Variants in PPARGC1A observed in about 807,000 individuals in gnomAD.
The protein encoded by PPARGC1A is peroxisome proliferator-activated receptor gamma coactivator 1-alpha.
PPARGC1A carries 25 observed loss-of-function variants against 88.7 expected under a neutral mutation model. That is an observed-to-expected ratio of 0.28 (90% CI 0.21 to 0.39). The LOEUF is 0.39. Among genes scored for constraint, PPARGC1A ranks in the 10% least tolerant of loss-of-function variants. PPARGC1A has a pLI of 1.00. For synonymous variants in PPARGC1A, 363 were observed against 355.6 expected (o/e 1.02, Z -0.24); for missense variants, 880 against 968.7 (o/e 0.91, Z 1.22).
the PPARGC1A span, among the ~76,000 whole-genome samples, chr4:23,911,034 T>C: frequency 1.3e-5 from 2 of 151,770 alleles, no homozygotes; most frequent in South Asian, 2.1e-4. Context: ...TAAAGCAGCA[T>C]AGTTGAGTAA....
upstream of PPARGC1A, among the ~76,000 whole-genome samples, chr4:23,895,056 TACATA>T (rs1233654711): frequency 6.9e-6 from 1 of 145,832 alleles, no homozygotes; most frequent in Non-Finnish European, 1.5e-5. Flanking sequence ...AGAACTTCAA[TACATA>T]ACATAACATT....
chr4:23,948,968 C>A, the PPARGC1A span, among the ~76,000 whole-genome samples: 1 of 152,232 alleles, frequency 6.6e-6, no homozygotes, highest in African/African-American at 2.4e-5. Context: ...CTATGAGAAT[C>A]ATAACTGGAT....
chr4:23,847,937 A>G (rs989951507), intron 2 of PPARGC1A, among the ~76,000 whole-genome samples: 1 of 152,194 alleles, frequency 6.6e-6, no homozygotes, highest in African/African-American at 2.4e-5. Flanking sequence ...TGTATGCCAT[A>G]CATGAGAAAA....
intron 2 of PPARGC1A, among the ~76,000 whole-genome samples, chr4:23,862,243 T>G (rs1383558452): frequency 1.3e-5 from 2 of 152,216 alleles, no homozygotes; most frequent in Non-Finnish European, 2.9e-5. Flanking sequence ...CAAAGTCAGG[T>G]CAAGTCTCTG....
intron 2 of PPARGC1A, among the ~76,000 whole-genome samples, chr4:23,832,402 T>G (rs1725171309): frequency 6.6e-6 from 1 of 152,268 alleles, no homozygotes; most frequent in East Asian, 1.9e-4. Flanking sequence ...ACCCAAACTC[T>G]ATACCTTTCA....
At chr4:24,193,450 G>A in the PPARGC1A span, among the ~76,000 whole-genome samples, 4 of 152,264 alleles carry the variant, frequency 2.6e-5, no homozygotes, top group South Asian at 6.2e-4. Context: ...GAAGGGCATC[G>A]TGGCAGGGAG....
At chr4:24,213,413 G>T in the PPARGC1A span, among the ~76,000 whole-genome samples, 2 of 151,966 alleles carry the variant, frequency 1.3e-5, no homozygotes, top group African/African-American at 2.4e-5. Context: ...TGATCCGCCC[G>T]CCTCGGCCTC....
the PPARGC1A span, among the ~76,000 whole-genome samples, chr4:24,299,632 G>A: frequency 6.6e-6 from 1 of 152,084 alleles, no homozygotes; most frequent in Admixed American, 6.6e-5. Flanking sequence ...ATATTTAAAT[G>A]ATCATATGGG....
In PPARGC1A at chr4:23,814,339, C is replaced by T; in HGVS notation, c.1144G>A (p.Gly382Ser). Residue 382 changes from glycine to serine, a missense_variant, in exon 8 of 13, where the codon GGT becomes AGT. Gly to Ser is a moderately conservative substitution (Grantham distance 56). Coordinates refer to ENST00000264867, the MANE Select transcript of PPARGC1A (RefSeq NM_013261.5). The stretch of plus-strand genomic sequence containing the variant: ...ATTGACTGGCAATAGTCATGGTCAC[C>T]AAACAGCCGCAGACTGGGCCGCTTG... Reference protein sequence around the residue: ...KTKRPSLRLFGDHDYCQSINS... With the variant: ...KTKRPSLRLFSDHDYCQSINS... The T allele has an allele frequency of 6.2e-7, 1 of 1,613,970 alleles. No homozygotes were observed. The highest frequency in any genetic ancestry group is 1.3e-5 in the African/African-American group (1 of 74,976).
At position 23,802,315 on chromosome 4, in the gene PPARGC1A, T is replaced by C; in HGVS notation, c.2050A>G (p.Ile684Val). The change falls in exon 11 of 13, where the codon ATC (isoleucine) becomes GTC (valine). Residue 684 changes from isoleucine (I) to valine (V), a missense_variant. Coordinates refer to ENST00000264867, the MANE Select transcript of PPARGC1A (RefSeq NM_013261.5). ...EERRVIYVGK[I>V]RPDTTRTELR... The stretch of plus-strand genomic sequence containing the variant: ...TCTGTCCGTGTTGTGTCAGGTCTGA[T>C]TTTACCGACATAAATCACACGGCGC... The C allele has an allele frequency of 2.5e-6, 4 of 1,613,342 alleles. No homozygotes were observed. Among genetic ancestry groups the C allele is most frequent in the Non-Finnish European group, 3.4e-6 (4 of 1,179,778 alleles).
rs1369678462 is a variant in PPARGC1A, at chr4:23,795,766, C to CGCGCTGTCCCATGAGGTAT, written c.*37_*55dup. 7.4e-7 allele frequency: 1 copy of CGCGCTGTCCCATGAGGTAT among 1,351,226 alleles called. No homozygotes were observed. The allele number at this position is 1,351,226 out of a possible 1,614,324, so 83.7% of individuals were successfully genotyped here. A position where few individuals can be genotyped will look rare whatever the true frequency, so the allele number is the denominator to read the frequency against. On this transcript the variant is annotated 3_prime_UTR_variant, in exon 13 of 13. Coordinates refer to ENST00000264867, the MANE Select transcript of PPARGC1A (RefSeq NM_013261.5). ...ACTTGCAATAGTCTTTAGGGAAGGA[C>CGCGCTGTCCCATGAGGTAT]GCGCTGTCCCATGAGGTATTCGCCA...
At chr4:23,996,002 A>G in the PPARGC1A span, among the ~76,000 whole-genome samples, 1 of 152,190 alleles carries the variant, frequency 6.6e-6, no homozygotes, top group East Asian at 1.9e-4. Flanking sequence ...CAGTGCAAAG[A>G]ATGTCATCCT....
the PPARGC1A span, among the ~76,000 whole-genome samples, chr4:24,372,258 G>T: frequency 2.0e-5 from 3 of 152,172 alleles, no homozygotes; most frequent in Non-Finnish European, 4.4e-5. Flanking sequence ...AAATAAGGGA[G>T]TTTACCTAAA....
At chr4:24,021,613 A>G in the PPARGC1A span, among the ~76,000 whole-genome samples, 1 of 152,198 alleles carries the variant, frequency 6.6e-6, no homozygotes, top group Non-Finnish European at 1.5e-5. Flanking sequence ...GTTTATTCAT[A>G]TTAGAAGAAA....
chr4:23,913,267 T>TATATATATATATATAG, the PPARGC1A span, among the ~76,000 whole-genome samples: 1 of 77,532 alleles, frequency 1.3e-5, no homozygotes, highest in African/African-American at 5.6e-5. Flanking sequence ...TATATATATA[T>TATATATATATATATAG]AGAGAGAGAG....
the PPARGC1A span, among the ~76,000 whole-genome samples, chr4:24,197,861 T>G: frequency 6.6e-6 from 1 of 152,222 alleles, no homozygotes. Flanking sequence ...TTTGGTTTTG[T>G]GAGGAAAGCT....
At chr4:23,804,192 C>A (rs1719321802) in intron 10 of PPARGC1A, among the ~76,000 whole-genome samples, 1 of 152,148 alleles carries the variant, frequency 6.6e-6, no homozygotes, top group Non-Finnish European at 1.5e-5. Flanking sequence ...GAAGCCCGAC[C>A]CTCCAGCCTT....
At chr4:24,168,642 G>GACAC in the PPARGC1A span, among the ~76,000 whole-genome samples, 6,686 of 148,150 alleles carry the variant, frequency 0.045, 171 homozygotes, top group Non-Finnish European at 0.059. Flanking sequence ...CACAGACATA[G>GACAC]ACACACACAC....
chr4:24,168,548 G>A, the PPARGC1A span, among the ~76,000 whole-genome samples: 765 of 152,180 alleles, frequency 5.0e-3, 8 homozygotes, highest in African/African-American at 0.018. Context: ...TTCTTGGACC[G>A]GGGCAGGAAA....
Sources: allele counts gnomAD v4.1 joint callset (sites outside exome capture counted in the v4.1 genomes callset), GRCh38; gene constraint gnomAD v4.1.1; transcripts MANE v1.5; gene names NCBI Gene and HGNC (gene_info 2026-07-23, HGNC 2026-07-21).